Variants in HS2ST1 observed in about 807,000 individuals in gnomAD.
HS2ST1 encodes heparan sulfate 2-O-sulfotransferase 1.
Under a neutral mutation model 42.9 loss-of-function variants are expected in HS2ST1, and 18 were observed. That is an observed-to-expected ratio of 0.42 (90% CI 0.29 to 0.62). The LOEUF (loss-of-function observed/expected upper bound fraction) is 0.62, where lower values mean the gene tolerates loss of function less well. Among genes scored for constraint, HS2ST1 ranks in the 20% least tolerant of loss-of-function variants. The pLI, the probability that HS2ST1 is intolerant of heterozygous loss-of-function variation, is 0.21. For missense variants in HS2ST1, 334 were observed against 433.8 expected (o/e 0.77, Z 2.04); for synonymous variants, 146 against 152.9 (o/e 0.95, Z 0.33).
chr1:86,935,902 C>T (rs569455411), intron 1 of HS2ST1, among the ~76,000 whole-genome samples: 1 of 152,132 alleles, frequency 6.6e-6, no homozygotes, highest in Admixed American at 6.5e-5. Flanking sequence ...GTATCCTTCA[C>T]CCAGTTTTCC....
At chr1:86,949,491 G>C (rs1647437176) in intron 1 of HS2ST1, among the ~76,000 whole-genome samples, 1 of 152,134 alleles carries the variant, frequency 6.6e-6, no homozygotes, top group African/African-American at 2.4e-5. Flanking sequence ...AATCACTTGA[G>C]CCCAAAAGGC....
At chr1:86,963,824 G>T (rs1647940959) in intron 1 of HS2ST1, among the ~76,000 whole-genome samples, 1 of 146,554 alleles carries the variant, frequency 6.8e-6, no homozygotes, top group Non-Finnish European at 1.5e-5. Flanking sequence ...GGGGCGGCTG[G>T]CCGGGCGGGG....
At chr1:87,012,758 A>T (rs1649638411) in intron 1 of HS2ST1, among the ~76,000 whole-genome samples, 1 of 152,148 alleles carries the variant, frequency 6.6e-6, no homozygotes, top group Admixed American at 6.5e-5. Context: ...AATCAAAAGC[A>T]AGTTAGTTAC....
At chr1:87,042,198 G>A (rs1423592568) in intron 1 of HS2ST1, among the ~76,000 whole-genome samples, 1 of 152,006 alleles carries the variant, frequency 6.6e-6, no homozygotes, top group Non-Finnish European at 1.5e-5. Flanking sequence ...TTGAGTTATA[G>A]CAGTTTCTTA....
chr1:87,095,924 C>A (rs531815104), intron 4 of HS2ST1, among the ~76,000 whole-genome samples: 2 of 149,944 alleles, frequency 1.3e-5, no homozygotes, highest in South Asian at 4.2e-4. Flanking sequence ...TACATTTTTG[C>A]AAATCTTTTT....
chr1:87,034,577 A>T (rs1408033031), intron 1 of HS2ST1, among the ~76,000 whole-genome samples: 5 of 152,218 alleles, frequency 3.3e-5, no homozygotes, highest in African/African-American at 1.2e-4. Flanking sequence ...AGCTAGTACA[A>T]TGAGCTCTAG....
intron 1 of HS2ST1, among the ~76,000 whole-genome samples, chr1:86,967,058 G>A (rs894676388): frequency 6.6e-6 from 1 of 151,894 alleles, no homozygotes; most frequent in Non-Finnish European, 1.5e-5. Flanking sequence ...TGCCCAGCCG[G>A]TTTTGCATTT....
chr1:86,915,633 G>C (rs1431028728), intron 1 of HS2ST1, among the ~76,000 whole-genome samples: 1 of 152,224 alleles, frequency 6.6e-6, no homozygotes, highest in Non-Finnish European at 1.5e-5. Context: ...TAGGTGCGCA[G>C]AAATGGGAGG....
rs184064520 is a variant in HS2ST1 at position 87,046,023 on chromosome 1, G to A, written c.125-26911G>A. The A allele has an allele frequency of 8.1e-5, 55 of 681,440 alleles. No homozygotes were observed. The East Asian group carries it at 1.1e-3, about 14-fold the overall frequency. The allele number at this position is 681,440 out of a possible 1,614,324, so 42.2% of individuals were successfully genotyped here. On this transcript the variant is annotated intron_variant, in intron 1 of 6. Coordinates refer to ENST00000370550, the MANE Select transcript of HS2ST1 (RefSeq NM_012262.4). ...AAAGGCACAGGTTGCCAGGGAAAGT[G>A]CACTGCAGTTTTACCTGAAAGCTAA... is the stretch of plus-strand genomic sequence containing the variant.
At chr1:87,027,974 G>A (rs943139820) in intron 1 of HS2ST1, among the ~76,000 whole-genome samples, 3 of 152,234 alleles carry the variant, frequency 2.0e-5, no homozygotes, top group Non-Finnish European at 2.9e-5. Flanking sequence ...ACAGGCATGA[G>A]CCACCACGCC....
chr1:86,981,825 G>A (rs1648601814), intron 1 of HS2ST1, among the ~76,000 whole-genome samples: 1 of 152,216 alleles, frequency 6.6e-6, no homozygotes, highest in South Asian at 2.1e-4. Flanking sequence ...GGGTCTGGAG[G>A]ACGGTGGCCC....
chr1:87,026,047 A>G (rs1376341948), intron 1 of HS2ST1, among the ~76,000 whole-genome samples: 1 of 152,196 alleles, frequency 6.6e-6, no homozygotes, highest in Non-Finnish European at 1.5e-5. Flanking sequence ...ATAGATTGCA[A>G]CTGTATTTTT....
chr1:87,084,309 A>C (rs1237918735), intron 3 of HS2ST1, 30 bp downstream of exon 3: 1 of 1,252,906 alleles, frequency 8.0e-7, no homozygotes, highest in Non-Finnish European at 1.2e-6. Flanking sequence ...CACGCTAAAG[A>C]ATGCTTTGTA....
intron 1 of HS2ST1, among the ~76,000 whole-genome samples, chr1:86,980,534 A>T (rs1047730697): frequency 1.3e-5 from 2 of 152,126 alleles, no homozygotes; most frequent in Non-Finnish European, 2.9e-5. Flanking sequence ...GAAATTGCAA[A>T]TAATTACATA....
chr1:86,968,849 CTG>C (rs1648145487), intron 1 of HS2ST1, among the ~76,000 whole-genome samples: 1 of 151,766 alleles, frequency 6.6e-6, no homozygotes, highest in Non-Finnish European at 1.5e-5. Context: ...GAATTTAACT[CTG>C]TTAAAAATGA....
intron 1 of HS2ST1, among the ~76,000 whole-genome samples, chr1:87,048,977 G>A (rs1376163652): frequency 6.6e-6 from 1 of 152,020 alleles, no homozygotes; most frequent in East Asian, 1.9e-4. Context: ...GTTTTCTTAT[G>A]TTGGTATTTT....
chr1:87,017,486 T>A (rs1649794341), intron 1 of HS2ST1, among the ~76,000 whole-genome samples: 1 of 152,174 alleles, frequency 6.6e-6, no homozygotes, highest in South Asian at 2.1e-4. Flanking sequence ...TATGCCATAG[T>A]CTAGCCATTA....
rs540647829 is a variant in HS2ST1, at chr1:87,085,726, A to G, written c.449+1447A>G. 2.6e-5 allele frequency among the ~76,000 whole-genome samples: 4 copies of G among 152,314 alleles called. No individual in the cohort carries two copies. In the South Asian group the frequency reaches 8.3e-4, roughly 32 times the overall value. ...GAATGTTTGTTACCCTTTCACCTAAATGATTTATTCTTTCCACACACAGCT... is the reference window on the plus strand; with the variant it reads ...GAATGTTTGTTACCCTTTCACCTAAGTGATTTATTCTTTCCACACACAGCT... On this transcript the variant is annotated intron_variant, in intron 3 of 6. Coordinates refer to ENST00000370550, the MANE Select transcript of HS2ST1 (RefSeq NM_012262.4).
rs370461608 is a variant in HS2ST1 at position 87,024,370 on chromosome 1, G to A, written c.125-48564G>A. 3.4e-4 allele frequency among the ~76,000 whole-genome samples: 52 copies of A among 152,164 alleles called. 1 individual carries two copies. The East Asian group carries it at 0.01, about 29-fold the overall frequency. On this transcript the variant is annotated intron_variant, in intron 1 of 6. Transcript: ENST00000370550. The stretch of plus-strand genomic sequence containing the variant: ...TACAAAAATTAGATGGCGTGGTGGT[G>A]CACGACTGTAATCCCAGCTAATCAG...
Sources: allele counts gnomAD v4.1 joint callset (sites outside exome capture counted in the v4.1 genomes callset), GRCh38; gene constraint gnomAD v4.1.1; transcripts MANE v1.5; gene names NCBI Gene and HGNC (gene_info 2026-07-23, HGNC 2026-07-21).